The following CREB5 variants were observed in gnomAD, a reference collection of about 807,000 sequenced individuals.
CREB5 encodes cAMP responsive element binding protein 5, also known as cyclic AMP-responsive element-binding protein 5.
CREB5 carries 19 observed loss-of-function variants against 57.1 expected under a neutral mutation model. The ratio of observed to expected loss-of-function variants is 0.33; its 90% confidence interval spans 0.23 to 0.49. CREB5 has a LOEUF of 0.49. Ranked by LOEUF, CREB5 falls within the 20% of genes least tolerant of loss-of-function variation. The pLI is 0.99. For synonymous variants in CREB5, 238 were observed against 238.3 expected, an observed-to-expected ratio of 1.00 and a Z score of 0.01; for missense variants, 579 against 671.6, an observed-to-expected ratio of 0.86 and a Z score of 1.52.
chr7:28,762,465 C>T (rs1439772385), intron 7 of CREB5, among the ~76,000 whole-genome samples: 1 of 152,118 alleles, frequency 6.6e-6, no homozygotes, highest in Non-Finnish European at 1.5e-5. Flanking sequence ...ATTGTACGTG[C>T]AGCATTAGAT....
At chr7:28,756,410 G>T (rs1428526452) in intron 7 of CREB5, among the ~76,000 whole-genome samples, 1 of 152,052 alleles carries the variant, frequency 6.6e-6, no homozygotes, top group Non-Finnish European at 1.5e-5. Context: ...TACAAAATTA[G>T]CCAGGCATGG....
chr7:28,394,654 C>T (rs1787301441), intron 1 of CREB5, among the ~76,000 whole-genome samples: 1 of 151,928 alleles, frequency 6.6e-6, no homozygotes, highest in Non-Finnish European at 1.5e-5. Flanking sequence ...AAAGAGGGTC[C>T]CCCACCTTTT....
intron 9 of CREB5, among the ~76,000 whole-genome samples, chr7:28,810,152 T>C (rs1197425503): frequency 1.3e-5 from 2 of 151,980 alleles, no homozygotes; most frequent in Admixed American, 6.6e-5. Flanking sequence ...GCTTCTCCAA[T>C]AGACTTTATA....
At chr7:28,767,085 A>G (rs569794026) in intron 7 of CREB5, among the ~76,000 whole-genome samples, 2 of 152,346 alleles carry the variant, frequency 1.3e-5, no homozygotes, top group African/African-American at 2.4e-5. Context: ...ATACTAGGGG[A>G]AAAATCCTAG....
upstream of CREB5, chr7:28,410,619 A>G (rs1019444506): frequency 4.5e-6 from 2 of 449,296 alleles, no homozygotes; most frequent in Non-Finnish European, 9.0e-6. Context: ...CCCCCACTTG[A>G]TGCTTGCTCA....
chr7:28,544,097 T>C (rs74707340), intron 4 of CREB5, among the ~76,000 whole-genome samples: 23,145 of 151,982 alleles, frequency 0.15, 2,056 homozygotes, highest in East Asian at 0.3. Flanking sequence ...GTTATTGTCT[T>C]TTTATAACTT....
chr7:28,343,923 TG>T (rs1291886168), intron 1 of CREB5, among the ~76,000 whole-genome samples: 1 of 152,254 alleles, frequency 6.6e-6, no homozygotes, highest in Admixed American at 6.5e-5. Context: ...TATCTCACTG[TG>T]GTTTTTATTT....
At chr7:28,427,763 T>A (rs1788565712) in intron 1 of CREB5, among the ~76,000 whole-genome samples, 1 of 152,084 alleles carries the variant, frequency 6.6e-6, no homozygotes, top group African/African-American at 2.4e-5. Context: ...TCAATCTTAG[T>A]AAGATACTAG....
chr7:28,666,713 A>G (rs913345258), intron 5 of CREB5, among the ~76,000 whole-genome samples: 2 of 151,972 alleles, frequency 1.3e-5, no homozygotes, highest in Non-Finnish European at 2.9e-5. Context: ...TGTTATTGCA[A>G]CTACTCAGGA....
chr7:28,683,074 C>T (rs1800682197), intron 5 of CREB5, among the ~76,000 whole-genome samples: 1 of 152,160 alleles, frequency 6.6e-6, no homozygotes, highest in African/African-American at 2.4e-5. Flanking sequence ...AATCTGGAGA[C>T]CTAGCCTGTT....
chr7:28,646,672 G>A (rs1204877755), intron 5 of CREB5, among the ~76,000 whole-genome samples: 2 of 151,954 alleles, frequency 1.3e-5, no homozygotes, highest in East Asian at 3.9e-4. Flanking sequence ...CGTCCAGAAA[G>A]GAAAGAATAT....
At chr7:28,681,689 A>C (rs1355980008) in intron 5 of CREB5, among the ~76,000 whole-genome samples, 1 of 152,208 alleles carries the variant, frequency 6.6e-6, no homozygotes, top group Non-Finnish European at 1.5e-5. Flanking sequence ...GCTGGGATAC[A>C]ATCTGCTTCA....
chr7:28,766,847 C>T (rs1806024445), intron 7 of CREB5, among the ~76,000 whole-genome samples: 2 of 152,280 alleles, frequency 1.3e-5, no homozygotes, highest in Non-Finnish European at 2.9e-5. Flanking sequence ...CAGGGATGAT[C>T]GTGTGTCTTC....
intron 4 of CREB5, among the ~76,000 whole-genome samples, chr7:28,560,893 T>TGCGCGCGC (rs1187390811): frequency 2.9e-4 from 6 of 20,464 alleles, no homozygotes; most frequent in Non-Finnish European, 3.8e-4. Context: ...CGTGCGTGTG[T>TGCGCGCGC]GTGCGTGCGC....
chr7:28,736,931 A>G (rs1377517864), intron 7 of CREB5, among the ~76,000 whole-genome samples: 1 of 151,068 alleles, frequency 6.6e-6, no homozygotes. Flanking sequence ...ATTTCCCTGA[A>G]CCCAGGGCAA....
chr7:28,736,735 A>G (rs1332119491), intron 7 of CREB5, among the ~76,000 whole-genome samples: 1 of 151,908 alleles, frequency 6.6e-6, no homozygotes, highest in African/African-American at 2.4e-5. Context: ...ACTGGATTTC[A>G]GGAGGTGTGG....
chr7:28,641,871 C>T (rs888827851), intron 5 of CREB5, among the ~76,000 whole-genome samples: 1 of 152,206 alleles, frequency 6.6e-6, no homozygotes, highest in African/African-American at 2.4e-5. Flanking sequence ...ATCATGGAAA[C>T]CAGAAATACA....
At chr7:28,567,027 G>T (rs1209537329) in intron 4 of CREB5, among the ~76,000 whole-genome samples, 1 of 152,198 alleles carries the variant, frequency 6.6e-6, no homozygotes, top group African/African-American at 2.4e-5. Flanking sequence ...TTACTCTGAA[G>T]AAATTAAACC....
At chr7:28,732,632 A>C (rs550295786) in intron 7 of CREB5, among the ~76,000 whole-genome samples, 37 of 151,968 alleles carry the variant, frequency 2.4e-4, no homozygotes, top group Admixed American at 2.6e-4. Flanking sequence ...TTTTCTTGGA[A>C]TGTTTGTAGC....
Sources: allele counts gnomAD v4.1 joint callset (sites outside exome capture counted in the v4.1 genomes callset), GRCh38; gene constraint gnomAD v4.1.1; transcripts MANE v1.5; gene names NCBI Gene and HGNC (gene_info 2026-07-23, HGNC 2026-07-21).